The following DAB1 variants were observed in gnomAD, a reference collection of about 807,000 sequenced individuals.
DAB1 encodes DAB adaptor protein 1.
In DAB1, 15 loss-of-function variants were observed where a neutral mutation model predicts 64.6. That is an observed-to-expected ratio of 0.23 (90% CI 0.16 to 0.36). DAB1 has a LOEUF of 0.36. Among genes scored for constraint, DAB1 ranks in the 10% least tolerant of loss-of-function variants. The probability of loss-of-function intolerance (pLI) is 1.00; values close to 1 mark genes in which losing one functional copy is unlikely to be tolerated. For synonymous variants in DAB1, 235 were observed against 251.9 expected (o/e 0.93, Z 0.64); for missense variants, 596 against 706.7 (o/e 0.84, Z 1.78).
chr1:57,013,708 A>G (rs552928492), intron 12 of DAB1, among the ~76,000 whole-genome samples: 1 of 152,332 alleles, frequency 6.6e-6, no homozygotes, highest in South Asian at 2.1e-4. Context: ...TCACTGCAGC[A>G]TGAGCCTTTT....
chr1:58,404,111 T>C (rs983097748), intron 3 of DAB1, among the ~76,000 whole-genome samples: 12 of 152,202 alleles, frequency 7.9e-5, no homozygotes, highest in Non-Finnish European at 5.9e-5. Flanking sequence ...AAGAACTTTT[T>C]CAGGGCCAAC....
chr1:57,606,403 T>C (rs1174303848), intron 7 of DAB1, among the ~76,000 whole-genome samples: 1 of 115,952 alleles, frequency 8.6e-6, no homozygotes, highest in Non-Finnish European at 1.8e-5. Flanking sequence ...CACATTATAT[T>C]ATATATATGA....
intron 3 of DAB1, among the ~76,000 whole-genome samples, chr1:57,142,487 C>T (rs1658695625): frequency 6.6e-6 from 1 of 151,968 alleles, no homozygotes; most frequent in Non-Finnish European, 1.5e-5. Flanking sequence ...ATCAAGGACC[C>T]CTCAACAAGT....
chr1:57,974,690 T>C (rs888084556), intron 5 of DAB1, among the ~76,000 whole-genome samples: 1 of 152,118 alleles, frequency 6.6e-6, no homozygotes, highest in African/African-American at 2.4e-5. Flanking sequence ...CTTACATACA[T>C]ACCCATGGCC....
At chr1:58,366,364 T>C (rs575856375) in intron 3 of DAB1, among the ~76,000 whole-genome samples, 1 of 152,170 alleles carries the variant, frequency 6.6e-6, no homozygotes, top group Non-Finnish European at 1.5e-5. Context: ...GACTAAGGGA[T>C]CCACTAGTTA....
intron 4 of DAB1, among the ~76,000 whole-genome samples, chr1:58,152,081 G>A (rs947690079): frequency 3.3e-5 from 5 of 152,138 alleles, no homozygotes; most frequent in Non-Finnish European, 5.9e-5. Flanking sequence ...GTGGGGTGGC[G>A]AAAGAAGATC....
intron 1 of DAB1, among the ~76,000 whole-genome samples, chr1:57,398,844 C>G (rs898338395): frequency 1.3e-5 from 2 of 152,228 alleles, no homozygotes; most frequent in African/African-American, 4.8e-5. Flanking sequence ...TGTCCCATTC[C>G]TCACAGGGTA....
intron 3 of DAB1, among the ~76,000 whole-genome samples, chr1:58,447,693 T>C (rs139155163): frequency 6.6e-6 from 1 of 152,090 alleles, no homozygotes; most frequent in Non-Finnish European, 1.5e-5. Context: ...TGAGCTCGGA[T>C]GAACAATCAG....
intron 7 of DAB1, among the ~76,000 whole-genome samples, chr1:57,451,024 C>T (rs1012998907): frequency 7.9e-5 from 12 of 152,190 alleles, no homozygotes; most frequent in African/African-American, 2.4e-4. Context: ...TTTCTTCTTT[C>T]GTATCAGCCA....
chr1:57,347,906 G>A (rs1447709049), intron 1 of DAB1, among the ~76,000 whole-genome samples: 1 of 152,122 alleles, frequency 6.6e-6, no homozygotes, highest in Non-Finnish European at 1.5e-5. Context: ...CTACACTGCT[G>A]TTTAGGGATG....
chr1:57,309,317 G>T (rs1674470346), intron 1 of DAB1, among the ~76,000 whole-genome samples: 1 of 152,156 alleles, frequency 6.6e-6, no homozygotes, highest in Non-Finnish European at 1.5e-5. Flanking sequence ...TGAGCCCATC[G>T]TTCATAACAT....
intron 3 of DAB1, among the ~76,000 whole-genome samples, chr1:58,480,430 C>A (rs1337200785): frequency 6.6e-6 from 1 of 152,144 alleles, no homozygotes; most frequent in African/African-American, 2.4e-5. Context: ...TCTTTTGCCT[C>A]CCTATGAAAA....
At chr1:58,154,253 T>C (rs1348428122) in intron 4 of DAB1, among the ~76,000 whole-genome samples, 1 of 152,080 alleles carries the variant, frequency 6.6e-6, no homozygotes, top group Non-Finnish European at 1.5e-5. Flanking sequence ...AGGAGCTTAA[T>C]ATCTATTGAG....
intron 7 of DAB1, among the ~76,000 whole-genome samples, chr1:57,561,493 TG>T: frequency 6.6e-6 from 1 of 152,224 alleles, no homozygotes; most frequent in Non-Finnish European, 1.5e-5. Flanking sequence ...CAAAGAAATT[TG>T]GGGAAGAGGT....
chr1:57,055,761 C>T (rs1023230517), intron 9 of DAB1, among the ~76,000 whole-genome samples: 1 of 151,538 alleles, frequency 6.6e-6, no homozygotes, highest in Non-Finnish European at 1.5e-5. Context: ...TTGAGTCCTA[C>T]AAAAATTTAT....
intron 7 of DAB1, among the ~76,000 whole-genome samples, chr1:57,550,304 C>T (rs932798207): frequency 6.6e-6 from 1 of 152,140 alleles, no homozygotes; most frequent in East Asian, 1.9e-4. Context: ...CTTCTTAGCT[C>T]TCCAGAGGCT....
intron 1 of DAB1, among the ~76,000 whole-genome samples, chr1:57,312,495 G>A (rs914875069): frequency 6.6e-6 from 1 of 152,156 alleles, no homozygotes; most frequent in African/African-American, 2.4e-5. Flanking sequence ...CTAAGCAGAT[G>A]CCGTCTACAA....
chr1:57,837,141 T>C (rs1187756213), intron 1 of DAB1, among the ~76,000 whole-genome samples: 1 of 152,220 alleles, frequency 6.6e-6, no homozygotes, highest in African/African-American at 2.4e-5. Flanking sequence ...GGGTCCCTCT[T>C]TCCTCTTTGA....
chr1:58,334,627 ATAT>A (rs773768660), intron 4 of DAB1, among the ~76,000 whole-genome samples: 80 of 131,618 alleles, frequency 6.1e-4, no homozygotes, highest in Middle Eastern at 4.0e-3. Context: ...ATATTATATT[ATAT>A]TATATCATAT....
Sources: allele counts gnomAD v4.1 joint callset (sites outside exome capture counted in the v4.1 genomes callset), GRCh38; gene constraint gnomAD v4.1.1; transcripts MANE v1.5; gene names NCBI Gene and HGNC (gene_info 2026-07-23, HGNC 2026-07-21).